The following RARB variants were observed in gnomAD, a reference collection of about 807,000 sequenced individuals.
RARB encodes the protein HBV-activated protein.
Under a neutral mutation model 51.9 loss-of-function variants are expected in RARB, and 17 were observed. The ratio of observed to expected loss-of-function variants is 0.33; its 90% CI spans 0.22 to 0.49. The LOEUF is 0.49. Ranked by LOEUF, RARB falls within the 20% of genes least tolerant of loss-of-function variation. RARB has a pLI of 0.99. For missense variants in RARB, 369 were observed against 550.8 expected (o/e 0.67, Z 3.30); for synonymous variants, 215 against 195.4 (o/e 1.10, Z -0.84).
chr3:25,581,216 A>T (rs1307203268), intron 5 of RARB, among the ~76,000 whole-genome samples: 1 of 152,190 alleles, frequency 6.6e-6, no homozygotes, highest in African/African-American at 2.4e-5. Flanking sequence ...TAGTAACTGT[A>T]TTTGCTTTGC....
At chr3:25,274,719 C>T (rs376033432) in intron 5 of RARB, among the ~76,000 whole-genome samples, 7 of 152,136 alleles carry the variant, frequency 4.6e-5, no homozygotes, top group South Asian at 2.1e-4. Context: ...GACTTTCTTC[C>T]GCATGTCCCC....
At chr3:25,103,062 T>C (rs1326458064) in intron 3 of RARB, among the ~76,000 whole-genome samples, 2 of 152,102 alleles carry the variant, frequency 1.3e-5, no homozygotes. Flanking sequence ...GATTGGTATA[T>C]AGTGCAGAGG....
chr3:25,531,879 A>G (rs1698941634), intron 3 of RARB, among the ~76,000 whole-genome samples: 1 of 152,096 alleles, frequency 6.6e-6, no homozygotes, highest in Non-Finnish European at 1.5e-5. Context: ...AGAAGAACAG[A>G]AATCTGGATT....
intron 3 of RARB, among the ~76,000 whole-genome samples, chr3:25,505,401 C>A (rs910907137): frequency 8.5e-5 from 13 of 152,164 alleles, no homozygotes; most frequent in Non-Finnish European, 1.8e-4. Flanking sequence ...ATGCTCCTTG[C>A]TCTATATTAG....
intron 4 of RARB, among the ~76,000 whole-genome samples, chr3:25,171,084 T>A (rs1700637019): frequency 6.6e-6 from 1 of 152,124 alleles, no homozygotes; most frequent in African/African-American, 2.4e-5. Flanking sequence ...AAACTTGACA[T>A]AAAGCCTACT....
chr3:25,220,179 G>A (rs189062865), intron 5 of RARB, among the ~76,000 whole-genome samples: 2 of 152,284 alleles, frequency 1.3e-5, no homozygotes, highest in East Asian at 3.9e-4. Flanking sequence ...CTAACTCAAA[G>A]TCAACCAGTC....
At chr3:25,136,219 A>C (rs1292695790) in intron 4 of RARB, among the ~76,000 whole-genome samples, 1 of 152,026 alleles carries the variant, frequency 6.6e-6, no homozygotes, top group Non-Finnish European at 1.5e-5. Flanking sequence ...AGCTTTACTC[A>C]AAGGGCTTAT....
At chr3:25,111,822 C>G (rs1191376315) in intron 3 of RARB, among the ~76,000 whole-genome samples, 1 of 152,052 alleles carries the variant, frequency 6.6e-6, no homozygotes, top group Non-Finnish European at 1.5e-5. Flanking sequence ...TGTGATCCGC[C>G]TGCCTCAGCC....
At chr3:25,039,033 A>G (rs1191603379) in intron 2 of RARB, among the ~76,000 whole-genome samples, 1 of 152,220 alleles carries the variant, frequency 6.6e-6, no homozygotes, top group Non-Finnish European at 1.5e-5. Flanking sequence ...ATGGGAAAGT[A>G]AACTCTGAAG....
chr3:24,988,418 G>A (rs1300120006), intron 2 of RARB, among the ~76,000 whole-genome samples: 3 of 152,086 alleles, frequency 2.0e-5, no homozygotes, highest in African/African-American at 4.8e-5. Context: ...AATTTAACAT[G>A]TTCTTTTCTA....
intron 3 of RARB, among the ~76,000 whole-genome samples, chr3:25,534,178 T>C (rs1347185411): frequency 2.0e-5 from 3 of 152,202 alleles, no homozygotes; most frequent in Non-Finnish European, 2.9e-5. Flanking sequence ...AATCAGTCCA[T>C]GTTAGCTGAA....
chr3:25,004,971 T>G (rs1323110271), intron 2 of RARB, among the ~76,000 whole-genome samples: 1 of 152,186 alleles, frequency 6.6e-6, no homozygotes, highest in African/African-American at 2.4e-5. Flanking sequence ...AATGGAAGTT[T>G]CGTTTTGCTA....
chr3:25,116,927 A>G (rs41441147), intron 3 of RARB, among the ~76,000 whole-genome samples: 22,492 of 152,190 alleles, frequency 0.15, 1,823 homozygotes, highest in Non-Finnish European at 0.2. Context: ...AAATTATTGC[A>G]TAGACAAGAA....
intron 3 of RARB, among the ~76,000 whole-genome samples, chr3:25,118,224 T>C (rs1457444643): frequency 6.6e-6 from 1 of 152,140 alleles, no homozygotes; most frequent in African/African-American, 2.4e-5. Flanking sequence ...CTCTTTCCTA[T>C]ACAGTTCCCC....
At chr3:25,269,888 C>T (rs958075206) in intron 5 of RARB, among the ~76,000 whole-genome samples, 30 of 152,080 alleles carry the variant, frequency 2.0e-4, no homozygotes, top group African/African-American at 5.8e-4. Flanking sequence ...TACAAATGGT[C>T]ATTAAGCATA....
chr3:24,887,641 A>C (rs1165444191), intron 2 of RARB, among the ~76,000 whole-genome samples: 3 of 151,992 alleles, frequency 2.0e-5, no homozygotes, highest in Non-Finnish European at 4.4e-5. Flanking sequence ...TAATCTAACA[A>C]CTCTCACAGC....
At chr3:25,595,756 TAGTGGGTA>T (rs1285845724) in intron 7 of RARB, among the ~76,000 whole-genome samples, 1 of 152,184 alleles carries the variant, frequency 6.6e-6, no homozygotes, top group African/African-American at 2.4e-5. Context: ...TTTAGCTACC[TAGTGGGTA>T]TTGTACTGGA....
intron 3 of RARB, among the ~76,000 whole-genome samples, chr3:25,103,164 T>G (rs1699436455): frequency 6.6e-6 from 1 of 152,160 alleles, no homozygotes; most frequent in African/African-American, 2.4e-5. Flanking sequence ...TTCGTTCCCC[T>G]CTGTTCTGCA....
At chr3:25,175,147 A>G (rs988167017) in intron 5 of RARB, among the ~76,000 whole-genome samples, 4 of 152,182 alleles carry the variant, frequency 2.6e-5, no homozygotes, top group Non-Finnish European at 4.4e-5. Context: ...AATTTTCTGT[A>G]TAAGGTACTA....
Sources: allele counts gnomAD v4.1 joint callset (sites outside exome capture counted in the v4.1 genomes callset), GRCh38; gene constraint gnomAD v4.1.1; transcripts MANE v1.5; gene names NCBI Gene and HGNC (gene_info 2026-07-23, HGNC 2026-07-21).